The following TMEM178A variants were observed in gnomAD, a reference collection of about 807,000 sequenced individuals.
The protein encoded by TMEM178A is transmembrane protein 178A.
In TMEM178A, 12 loss-of-function variants were observed where a neutral mutation model predicts 29.1. The observed-to-expected ratio is 0.41, with a 90% CI of 0.26 to 0.67. The LOEUF (loss-of-function observed/expected upper bound fraction) is 0.67. Among genes scored for constraint, TMEM178A ranks in the 30% least tolerant of loss-of-function variants. The pLI is 0.29. For synonymous variants in TMEM178A, 210 were observed against 187.2 expected (o/e 1.12, Z -0.99); for missense variants, 366 against 419.1 (o/e 0.87, Z 1.11).
At chr2:39,667,591 T>C (rs920413380) in intron 1 of TMEM178A, among the ~76,000 whole-genome samples, 2 of 152,204 alleles carry the variant, frequency 1.3e-5, no homozygotes, top group African/African-American at 4.8e-5. Context: ...TGGAATGGAA[T>C]GACATAGAAA....
intron 1 of TMEM178A, among the ~76,000 whole-genome samples, chr2:39,690,620 A>T (rs995460449): frequency 2.6e-5 from 4 of 152,232 alleles, no homozygotes; most frequent in Admixed American, 2.0e-4. Context: ...GTCAGTAAAG[A>T]CAGGAGGAGG....
At chr2:39,726,679 T>C in the TMEM178A span, among the ~76,000 whole-genome samples, 6 of 152,106 alleles carry the variant, frequency 3.9e-5, no homozygotes, top group Non-Finnish European at 8.8e-5. Context: ...GCAAAATATA[T>C]GGTTAATGTG....
chr2:39,726,637 A>G, the TMEM178A span, among the ~76,000 whole-genome samples: 1 of 152,226 alleles, frequency 6.6e-6, no homozygotes, highest in Non-Finnish European at 1.5e-5. Flanking sequence ...GTTAATACCC[A>G]GAGGCCAGTA....
At chr2:39,699,312 C>A (rs1054983776) in intron 1 of TMEM178A, among the ~76,000 whole-genome samples, 1 of 152,040 alleles carries the variant, frequency 6.6e-6, no homozygotes, top group Non-Finnish European at 1.5e-5. Flanking sequence ...TGGGCATAAC[C>A]AAATTTTAGT....
At chr2:39,714,390 A>T (rs1672444632) in intron 3 of TMEM178A, among the ~76,000 whole-genome samples, 2 of 152,160 alleles carry the variant, frequency 1.3e-5, no homozygotes, top group East Asian at 1.9e-4. Flanking sequence ...GATAACACTT[A>T]AATTAATACA....
Position 39,704,079 on chromosome 2 carries a change from AG to A in TMEM178A, c.401del. 1 of 1,613,678 alleles carries A rather than the reference AG, an allele frequency of 6.2e-7. No individual in the cohort carries two copies. Among genetic ancestry groups the A allele is most frequent in the East Asian group, 2.2e-5 (1 of 44,890 alleles). On this transcript the variant is annotated splice_acceptor_variant, in intron 1 of 3. Coordinates refer to ENST00000281961, the MANE Select transcript of TMEM178A (RefSeq NM_152390.3). LOFTEE classifies it high-confidence loss of function. ...TAAATCGCGTTTCTTATTTCCTTCA[AG>A]GTATTGCGCAGCGATGCACGGCCAT... is the stretch of plus-strand genomic sequence containing the variant.
chr2:39,666,148 C>T lies in TMEM178A; in HGVS notation c.174C>T (p.Arg58=). ...CCGACCCCCCGGACCAGAAGAACCG[C>T]CTGATGCCGCTGTCGCACCTGCCGC... ...AGADPPDQKN[R]LMPLSHLPLR... is the part of the protein sequence containing the mutation. Residue 58 remains arginine (R), a synonymous_variant, in exon 1 of 4, where the codon CGC becomes CGT. Coordinates refer to ENST00000281961, the MANE Select transcript of TMEM178A (RefSeq NM_152390.3). 1 of 1,517,000 alleles carries T rather than the reference C, an allele frequency of 6.6e-7. No homozygotes were observed. Among genetic ancestry groups the T allele is most frequent in the Non-Finnish European group, 8.8e-7 (1 of 1,139,020 alleles). The allele number at this position is 1,517,000 out of a possible 1,614,324, so 94.0% of individuals were successfully genotyped here.
chr2:39,693,963 C>T (rs1238782424), intron 1 of TMEM178A, among the ~76,000 whole-genome samples: 1 of 149,188 alleles, frequency 6.7e-6, no homozygotes, highest in Non-Finnish European at 1.5e-5. Context: ...ATTCCTCAGC[C>T]ACCTTTTTTT....
the TMEM178A span, among the ~76,000 whole-genome samples, chr2:39,725,888 A>T: frequency 6.6e-6 from 1 of 152,186 alleles, no homozygotes; most frequent in South Asian, 2.1e-4. Context: ...AATACTGTGG[A>T]ACAAAGACAC....
chr2:39,676,700 A>G (rs1297946737), intron 1 of TMEM178A, among the ~76,000 whole-genome samples: 1 of 152,198 alleles, frequency 6.6e-6, no homozygotes, highest in African/African-American at 2.4e-5. Flanking sequence ...TTGGTCAGCC[A>G]CGGAAGAGGG....
chr2:39,722,888 G>A (rs1482440367), downstream of TMEM178A, among the ~76,000 whole-genome samples: 2 of 152,174 alleles, frequency 1.3e-5, no homozygotes, highest in African/African-American at 4.8e-5. Flanking sequence ...GTACCCTCAA[G>A]TTCATCAGCA....
At chr2:39,700,718 A>G (rs1042445102) in intron 1 of TMEM178A, among the ~76,000 whole-genome samples, 4 of 151,876 alleles carry the variant, frequency 2.6e-5, no homozygotes. Context: ...TGCTTTCTAT[A>G]TGCCATATGC....
chr2:39,712,041 TTGTGTGTGTGTG>T (rs61303746), intron 3 of TMEM178A, among the ~76,000 whole-genome samples: 4 of 139,346 alleles, frequency 2.9e-5, no homozygotes, highest in East Asian at 2.2e-4. Context: ...GAATTGCATT[TTGTGTGTGTGTG>T]TGTGTGTGTG....
intron 3 of TMEM178A, among the ~76,000 whole-genome samples, chr2:39,708,979 C>T (rs1672184149): frequency 6.6e-6 from 1 of 152,206 alleles, no homozygotes; most frequent in African/African-American, 2.4e-5. Context: ...AACTAATATT[C>T]CCCGAGATAG....
At chr2:39,735,669 C>A in the TMEM178A span, among the ~76,000 whole-genome samples, 4 of 152,234 alleles carry the variant, frequency 2.6e-5, no homozygotes, top group Non-Finnish European at 5.9e-5. Flanking sequence ...AACAACACAA[C>A]CACATTTACT....
At chr2:39,692,582 T>G (rs1671363649) in intron 1 of TMEM178A, among the ~76,000 whole-genome samples, 1 of 152,008 alleles carries the variant, frequency 6.6e-6, no homozygotes, top group African/African-American at 2.4e-5. Context: ...GAGGATGAAA[T>G]TACAAGTACT....
chr2:39,689,273 G>A (rs760237221), intron 1 of TMEM178A, among the ~76,000 whole-genome samples: 3 of 152,166 alleles, frequency 2.0e-5, no homozygotes, highest in Non-Finnish European at 4.4e-5. Context: ...CTGAGTATTT[G>A]GGAAATTGCT....
the TMEM178A span, among the ~76,000 whole-genome samples, chr2:39,728,791 C>T: frequency 5.3e-5 from 8 of 151,834 alleles, no homozygotes; most frequent in African/African-American, 1.9e-4. Flanking sequence ...TTTTTCTTTT[C>T]TCCTAAAGAT....
At chr2:39,701,528 C>A (rs115425305) in intron 1 of TMEM178A, among the ~76,000 whole-genome samples, 17 of 152,002 alleles carry the variant, frequency 1.1e-4, no homozygotes, top group Middle Eastern at 3.2e-3. Flanking sequence ...GGGTGTGGGT[C>A]TCTGAGTTTA....
Sources: allele counts gnomAD v4.1 joint callset (sites outside exome capture counted in the v4.1 genomes callset), GRCh38; gene constraint gnomAD v4.1.1; transcripts MANE v1.5; gene names NCBI Gene and HGNC (gene_info 2026-07-23, HGNC 2026-07-21).